FARSB: variants seen among roughly 807,000 people sequenced by gnomAD.
FARSB encodes phenylalanyl-tRNA synthetase subunit beta.
Under a neutral mutation model 69.6 loss-of-function variants are expected in FARSB, and 40 were observed. The observed-to-expected ratio is 0.57, with a 90% confidence interval of 0.45 to 0.75. FARSB has a LOEUF of 0.75. Among genes scored for constraint, FARSB ranks in the 30% least tolerant of loss-of-function variants. The probability of loss-of-function intolerance (pLI) is 0.00; values close to 1 mark genes in which losing one functional copy is unlikely to be tolerated. For synonymous variants in FARSB, 235 were observed against 247.2 expected, an observed-to-expected ratio of 0.95 and a Z score of 0.46; for missense variants, 632 against 722.9, an observed-to-expected ratio of 0.87 and a Z score of 1.44.
At chr2:222,606,697 A>G (rs1690711743) in intron 15 of FARSB, among the ~76,000 whole-genome samples, 1 of 152,230 alleles carries the variant, frequency 6.6e-6, no homozygotes, top group Non-Finnish European at 1.5e-5. Flanking sequence ...CTTGTAAATG[A>G]CTATTACATA....
At chr2:222,587,585 G>C (rs995216040) in intron 16 of FARSB, among the ~76,000 whole-genome samples, 2 of 152,094 alleles carry the variant, frequency 1.3e-5, no homozygotes, top group African/African-American at 4.8e-5. Context: ...TTTTTGAAAA[G>C]ATCAACAAAA....
intron 15 of FARSB, 70 bp downstream of exon 15, chr2:222,613,741 T>A (rs1458438626): frequency 2.1e-6 from 2 of 971,696 alleles, no homozygotes; most frequent in East Asian, 4.8e-5. Context: ...CTTTTATGTA[T>A]AGTTAAGGTT....
At position 222,570,058 on chromosome 2, in the gene FARSB, G is replaced by GATA. The variant is rs1689688021; in HGVS notation, c.*1812_*1813insTAT. Reference sequence around the variant, plus strand: ...CCAGTCTCAGCAGTATTTGATTTATGAATCTTAAATTTTAGCCATTTTAAT... The same window carrying GATA: ...CCAGTCTCAGCAGTATTTGATTTATGATAAATCTTAAATTTTAGCCATTTTAAT... On this transcript the variant is annotated 3_prime_UTR_variant, in exon 17 of 17. Coordinates refer to ENST00000281828, the MANE Select transcript of FARSB (RefSeq NM_005687.5). Among the ~76,000 whole-genome samples, 1 of 152,144 alleles carries GATA rather than the reference G, an allele frequency of 6.6e-6. No homozygotes were observed. The highest frequency in any genetic ancestry group is 1.5e-5 in the Non-Finnish European group (1 of 68,026).
intron 2 of FARSB, chr2:222,644,368 T>G: frequency 3.3e-6 from 1 of 307,164 alleles, no homozygotes. Context: ...AAATGAAAAA[T>G]GAAAAACAAG....
At chr2:222,613,984 T>C (rs1690930557) in intron 14 of FARSB, 56 bp from the exon 15 acceptor site, 1 of 1,036,038 alleles carries the variant, frequency 9.7e-7, no homozygotes, top group Non-Finnish European at 1.5e-6. Context: ...CAAAGACACT[T>C]GGTTAAAGAC....
At chr2:222,617,448 G>A (rs377149201) in intron 14 of FARSB, among the ~76,000 whole-genome samples, 1 of 152,182 alleles carries the variant, frequency 6.6e-6, no homozygotes, top group African/African-American at 2.4e-5. Flanking sequence ...GAAGAGAGAG[G>A]TGGGGAGCAA....
intron 1 of FARSB, among the ~76,000 whole-genome samples, chr2:222,651,938 T>G (rs1052427702): frequency 2.0e-5 from 3 of 152,216 alleles, no homozygotes; most frequent in Non-Finnish European, 4.4e-5. Context: ...TGGAGAATTA[T>G]TCCAGGCCTT....
intron 1 of FARSB, among the ~76,000 whole-genome samples, chr2:222,655,210 A>C (rs1692140598): frequency 1.3e-5 from 2 of 152,126 alleles, no homozygotes; most frequent in African/African-American, 4.8e-5. Context: ...AAATAAAAAA[A>C]AAAATAGGGT....
At chr2:222,582,631 G>A (rs190553360) in intron 16 of FARSB, among the ~76,000 whole-genome samples, 1 of 152,220 alleles carries the variant, frequency 6.6e-6, no homozygotes, top group Non-Finnish European at 1.5e-5. Context: ...GAGCAAACAA[G>A]CAATAATGTA....
chr2:222,579,697 G>GA (rs1689921867), intron 16 of FARSB, among the ~76,000 whole-genome samples: 1 of 152,150 alleles, frequency 6.6e-6, no homozygotes, highest in Non-Finnish European at 1.5e-5. Flanking sequence ...CTTAATATAT[G>GA]AAAAAAATAG....
At chr2:222,573,116 C>G (rs1012641083) in intron 16 of FARSB, among the ~76,000 whole-genome samples, 2 of 152,106 alleles carry the variant, frequency 1.3e-5, no homozygotes, top group Non-Finnish European at 2.9e-5. Context: ...AATACAGAAT[C>G]AGGTTGGAGG....
chr2:222,643,432 T>C (rs1338998941), intron 2 of FARSB, among the ~76,000 whole-genome samples: 1 of 152,222 alleles, frequency 6.6e-6, no homozygotes, highest in Admixed American at 6.5e-5. Flanking sequence ...CCAAAAAGCC[T>C]AAATATTTAC....
intron 16 of FARSB, among the ~76,000 whole-genome samples, chr2:222,583,729 G>C (rs114136318): frequency 1.3e-5 from 2 of 152,086 alleles, no homozygotes; most frequent in African/African-American, 4.8e-5. Context: ...CCATGGGAGG[G>C]TCTGGGTGGG....
chr2:222,648,202 A>T (rs938737369), intron 2 of FARSB, among the ~76,000 whole-genome samples: 1 of 152,222 alleles, frequency 6.6e-6, no homozygotes, highest in African/African-American at 2.4e-5. Flanking sequence ...TATTGTAATC[A>T]TTATACAATC....
chr2:222,623,816 C>G, intron 12 of FARSB, 86 bp from the exon 13 acceptor site: 1 of 825,376 alleles, frequency 1.2e-6, no homozygotes, highest in African/African-American at 1.7e-5. Context: ...GCCATTAAAA[C>G]TTTTTTAAAT....
At chr2:222,576,417 C>A (rs888745866) in intron 16 of FARSB, among the ~76,000 whole-genome samples, 12 of 151,954 alleles carry the variant, frequency 7.9e-5, no homozygotes, top group Non-Finnish European at 4.4e-5. Context: ...AAAGGAATGT[C>A]CTTATGTCAC....
chr2:222,650,364 C>T (rs949548570), intron 1 of FARSB, among the ~76,000 whole-genome samples: 1 of 152,010 alleles, frequency 6.6e-6, no homozygotes, highest in Non-Finnish European at 1.5e-5. Flanking sequence ...AAAGACTGCT[C>T]GCAGAGTAGA....
At chr2:222,608,002 T>TTA (rs1409119289) in intron 15 of FARSB, among the ~76,000 whole-genome samples, 2 of 152,136 alleles carry the variant, frequency 1.3e-5, no homozygotes, top group African/African-American at 2.4e-5. Flanking sequence ...ACAGGACACA[T>TTA]TATACTCACG....
Position 222,581,184 on chromosome 2 carries a change from T to C in FARSB, c.1619-9162A>G, listed in dbSNP as rs148763721. Among the ~76,000 whole-genome samples the C allele has an allele frequency of 1.6e-3, 240 of 152,318 alleles. 1 individual carries two copies. Among genetic ancestry groups the C allele is most frequent in the Admixed American group, 0.014 (207 of 15,300 alleles). The stretch of plus-strand genomic sequence containing the variant: ...TCAAAGTAAAAACCACAACTGAGAC[T>C]TCAGTAAAGTTAACGGGCCTCCTGT... On this transcript the variant is annotated intron_variant, in intron 16 of 16. Transcript: ENST00000281828.
Sources: allele counts gnomAD v4.1 joint callset (sites outside exome capture counted in the v4.1 genomes callset), GRCh38; gene constraint gnomAD v4.1.1; transcripts MANE v1.5; gene names NCBI Gene and HGNC (gene_info 2026-07-23, HGNC 2026-07-21).